TBC1D22A: variants seen among roughly 807,000 people sequenced by gnomAD.
TBC1D22A encodes the protein putative GTPase activator.
A neutral mutation model predicts 60.2 loss-of-function variants in TBC1D22A; 38 were observed. The ratio of observed to expected loss-of-function variants is 0.63; its 90% CI spans 0.49 to 0.83. The LOEUF is 0.83. Among genes scored for constraint, TBC1D22A ranks in the 40% least tolerant of loss-of-function variants. The pLI is 0.00. For missense variants in TBC1D22A, 628 were observed against 701.0 expected (o/e 0.90, Z 1.18); for synonymous variants, 302 against 281.7 (o/e 1.07, Z -0.72).
chr22:47,139,460 G>A (rs555444879), intron 12 of TBC1D22A, among the ~76,000 whole-genome samples: 4 of 152,338 alleles, frequency 2.6e-5, no homozygotes, highest in African/African-American at 9.6e-5. Flanking sequence ...ATTGTCAGGG[G>A]CTGGTCGGGG....
intron 4 of TBC1D22A, among the ~76,000 whole-genome samples, chr22:46,839,022 G>T (rs1196682157): frequency 6.6e-6 from 1 of 152,128 alleles, no homozygotes; most frequent in East Asian, 1.9e-4. Context: ...ACAGTAAAAA[G>T]AAATAAAAGG....
chr22:46,873,860 G>A (rs536294833), intron 4 of TBC1D22A, among the ~76,000 whole-genome samples: 1 of 151,516 alleles, frequency 6.6e-6, no homozygotes, highest in African/African-American at 2.4e-5. Flanking sequence ...GCAGTGGCAC[G>A]ATCTCAGCTC....
intron 11 of TBC1D22A, among the ~76,000 whole-genome samples, chr22:47,076,361 G>GTGTATATATATATATA (rs1392245000): frequency 4.5e-4 from 46 of 101,850 alleles, no homozygotes; most frequent in South Asian, 8.0e-4. Flanking sequence ...ATATGTGTGT[G>GTGTATATATATATATA]TATATATATA....
At chr22:47,031,166 G>T (rs887938228) in intron 10 of TBC1D22A, among the ~76,000 whole-genome samples, 1 of 152,196 alleles carries the variant, frequency 6.6e-6, no homozygotes, top group Admixed American at 6.5e-5. Flanking sequence ...CTCTGGGTGG[G>T]CGTGGGTTTT....
chr22:46,901,248 G>A (rs771274950), intron 7 of TBC1D22A, among the ~76,000 whole-genome samples: 7 of 152,238 alleles, frequency 4.6e-5, no homozygotes, highest in Admixed American at 1.3e-4. Context: ...GCTGCCAGAC[G>A]TGGAAGCCAG....
chr22:47,139,979 G>A (rs745939046), intron 12 of TBC1D22A, among the ~76,000 whole-genome samples: 12 of 152,184 alleles, frequency 7.9e-5, no homozygotes, highest in African/African-American at 2.4e-4. Context: ...TCTTGTCTGC[G>A]CTCCCTGATT....
At chr22:47,167,318 G>A (rs1047590452) in intron 12 of TBC1D22A, among the ~76,000 whole-genome samples, 2 of 152,224 alleles carry the variant, frequency 1.3e-5, no homozygotes, top group Non-Finnish European at 2.9e-5. Context: ...AGCCATTCAA[G>A]CATTGCCGAA....
chr22:46,768,018 G>C (rs965854535), intron 1 of TBC1D22A: 3 of 152,758 alleles, frequency 2.0e-5, no homozygotes, highest in Non-Finnish European at 2.9e-5. Flanking sequence ...AGGTTTAATG[G>C]GATATCTTTG....
intron 12 of TBC1D22A, among the ~76,000 whole-genome samples, chr22:47,166,186 C>T (rs759663138): frequency 2.0e-5 from 3 of 152,092 alleles, no homozygotes; most frequent in East Asian, 3.9e-4. Flanking sequence ...GGGAGCCTTC[C>T]GGTATCTTCA....
At chr22:46,929,056 ATATGAAAAACCACTGCAAATAATTTAAT>A (rs1451524427) in intron 8 of TBC1D22A, among the ~76,000 whole-genome samples, 14 of 151,952 alleles carry the variant, frequency 9.2e-5, no homozygotes, top group East Asian at 1.9e-4. Context: ...CTTAGTGAAT[ATATGAAAAACCACTGCAAATAATTTAAT>A]TATGTGGTAT....
chr22:47,026,989 G>A (rs2062278398), intron 10 of TBC1D22A, among the ~76,000 whole-genome samples: 1 of 152,010 alleles, frequency 6.6e-6, no homozygotes. Context: ...CTTTTTTTGT[G>A]TGTTCACATT....
intron 12 of TBC1D22A, among the ~76,000 whole-genome samples, chr22:47,142,345 A>C (rs1601650705): frequency 9.9e-6 from 1 of 100,614 alleles, no homozygotes; most frequent in Non-Finnish European, 2.0e-5. Context: ...CCACCCACCC[A>C]TCCATCCACC....
At chr22:46,877,896 C>T (rs1254168747) in intron 4 of TBC1D22A, among the ~76,000 whole-genome samples, 2 of 152,148 alleles carry the variant, frequency 1.3e-5, no homozygotes, top group Non-Finnish European at 2.9e-5. Context: ...CTCGGAAGGT[C>T]GATGGAATGC....
chr22:47,050,586 G>A lies in TBC1D22A; in HGVS notation c.1329+13388G>A, dbSNP rs557855361. ...GCATTTGCTTGGGACCGCGTGTGAGGCCTCTCCAGGCGCCGCTTGGGCCCT... is the reference window on the plus strand; with the variant it reads ...GCATTTGCTTGGGACCGCGTGTGAGACCTCTCCAGGCGCCGCTTGGGCCCT... On this transcript the variant is annotated intron_variant, in intron 11 of 12. Transcript: ENST00000337137. Among the ~76,000 whole-genome samples the A allele has an allele frequency of 7.3e-4, 111 of 152,334 alleles. 1 individual carries two copies. Among genetic ancestry groups the A allele is most frequent in the Admixed American group, 6.3e-3 (97 of 15,308 alleles).
At chr22:47,139,369 TAGC>T (rs1288838297) in intron 12 of TBC1D22A, among the ~76,000 whole-genome samples, 1 of 152,190 alleles carries the variant, frequency 6.6e-6, no homozygotes, top group Non-Finnish European at 1.5e-5. Flanking sequence ...CAGGGCTCCT[TAGC>T]AGGTGTGCAC....
At chr22:47,164,490 G>A (rs1024100187) in intron 12 of TBC1D22A, among the ~76,000 whole-genome samples, 18 of 152,206 alleles carry the variant, frequency 1.2e-4, no homozygotes, top group South Asian at 4.1e-4. Flanking sequence ...GGCATGGGAC[G>A]GCCTGTGCCT....
intron 1 of TBC1D22A, among the ~76,000 whole-genome samples, chr22:46,780,625 T>C (rs1490733628): frequency 6.6e-6 from 1 of 152,214 alleles, no homozygotes; most frequent in Non-Finnish European, 1.5e-5. Context: ...CTCTGACTTG[T>C]CTCTTCCTGC....
At chr22:46,766,337 G>T (rs2083286975) in intron 1 of TBC1D22A, among the ~76,000 whole-genome samples, 1 of 151,542 alleles carries the variant, frequency 6.6e-6, no homozygotes, top group African/African-American at 2.4e-5. Flanking sequence ...CACCATGTTG[G>T]CCAGGCTGGT....
intron 10 of TBC1D22A, among the ~76,000 whole-genome samples, chr22:47,014,100 C>T (rs981572433): frequency 2.6e-5 from 4 of 152,216 alleles, no homozygotes; most frequent in Admixed American, 6.5e-5. Flanking sequence ...CCTGTGTCCC[C>T]GCCATGCCCC....
Sources: allele counts gnomAD v4.1 joint callset (sites outside exome capture counted in the v4.1 genomes callset), GRCh38; gene constraint gnomAD v4.1.1; transcripts MANE v1.5; gene names NCBI Gene and HGNC (gene_info 2026-07-23, HGNC 2026-07-21).